Variants in SUMF1 observed in about 807,000 individuals in gnomAD.
SUMF1 encodes sulfatase modifying factor 1.
In SUMF1, 48 loss-of-function variants were observed where a neutral mutation model predicts 47.6. That is an observed-to-expected ratio of 1.01 (90% CI 0.80 to 1.28). The LOEUF is 1.28. SUMF1 is among the 50% of genes most tolerant of loss of function. The probability of loss-of-function intolerance (pLI) is 0.00; values close to 1 mark genes in which losing one functional copy is unlikely to be tolerated. For synonymous variants in SUMF1, 230 were observed against 192.1 expected, an observed-to-expected ratio of 1.20 and a Z score of -1.63; for missense variants, 571 against 485.4, an observed-to-expected ratio of 1.18 and a Z score of -1.66.
chr3:4,252,421 G>T (rs933871996), intron 8 of SUMF1, among the ~76,000 whole-genome samples: 5 of 151,724 alleles, frequency 3.3e-5, no homozygotes, highest in Non-Finnish European at 1.5e-5. Context: ...TGCCTACATT[G>T]TCTATTATCC....
In SUMF1 at chr3:4,246,400, GTTTGTT is replaced by G. The variant is rs200390214; in HGVS notation, c.1014+129924_1014+129929del. Among the ~76,000 whole-genome samples, 1,360 of 151,808 alleles carry G rather than the reference GTTTGTT, an allele frequency of 9.0e-3. 20 individuals carry two copies. Among genetic ancestry groups the G allele is most frequent in the African/African-American group, 0.031 (1,294 of 41,426 alleles). On this transcript the variant is annotated intron_variant and NMD_transcript_variant, in intron 8 of 12. Coordinates refer to the SUMF1 transcript ENST00000448413. Reference sequence around the variant, plus strand: ...CCTATTCGGCCATCTTGGAGTTTTTGTTTGTTTTTGTTTTTGTTTTTGACAGAGTCT... The same window carrying G: ...CCTATTCGGCCATCTTGGAGTTTTTGTTTGTTTTTGTTTTTGACAGAGTCT...
intron 8 of SUMF1, among the ~76,000 whole-genome samples, chr3:4,250,284 G>A (rs1170835932): frequency 1.4e-5 from 2 of 145,990 alleles, no homozygotes; most frequent in African/African-American, 5.1e-5. Context: ...AAGGGGGAAG[G>A]AAGGGAAGAG....
intron 8 of SUMF1, among the ~76,000 whole-genome samples, chr3:4,274,950 A>C (rs1024992303): frequency 6.6e-6 from 1 of 152,156 alleles, no homozygotes; most frequent in Non-Finnish European, 1.5e-5. Flanking sequence ...AAAAAGTCCA[A>C]ATGTCAAACA....
chr3:4,147,975 T>G (rs1454369344), intron 8 of SUMF1, among the ~76,000 whole-genome samples: 2 of 152,154 alleles, frequency 1.3e-5, no homozygotes, highest in Admixed American at 6.5e-5. Context: ...GGAAATCACA[T>G]TTAGCTCTAT....
At chr3:4,390,298 T>G (rs192996324) in intron 7 of SUMF1, among the ~76,000 whole-genome samples, 2 of 152,116 alleles carry the variant, frequency 1.3e-5, no homozygotes, top group African/African-American at 4.8e-5. Flanking sequence ...ACTTTACTAA[T>G]AGACAATAAG....
chr3:4,121,293 C>G (rs906388991), intron 8 of SUMF1, among the ~76,000 whole-genome samples: 1 of 152,104 alleles, frequency 6.6e-6, no homozygotes, highest in Non-Finnish European at 1.5e-5. Flanking sequence ...AATGACCTCT[C>G]CAAGGTCAAA....
chr3:4,289,104 C>T (rs1697691525), intron 8 of SUMF1, among the ~76,000 whole-genome samples: 1 of 152,150 alleles, frequency 6.6e-6, no homozygotes, highest in Non-Finnish European at 1.5e-5. Flanking sequence ...TAAACCCTAT[C>T]CCAGCCAAAC....
intron 8 of SUMF1, among the ~76,000 whole-genome samples, chr3:4,074,053 A>G (rs915791763): frequency 1.3e-5 from 2 of 152,170 alleles, no homozygotes; most frequent in African/African-American, 4.8e-5. Flanking sequence ...TCAGCACCAC[A>G]TCACACTTAT....
chr3:4,081,208 C>G (rs1468239293), intron 8 of SUMF1, among the ~76,000 whole-genome samples: 1 of 152,108 alleles, frequency 6.6e-6, no homozygotes, highest in Admixed American at 6.5e-5. Flanking sequence ...CAGGTCAGGA[C>G]AGGACACTAC....
At chr3:4,305,539 G>T (rs1003119414) in intron 8 of SUMF1, among the ~76,000 whole-genome samples, 1 of 152,158 alleles carries the variant, frequency 6.6e-6, no homozygotes, top group Non-Finnish European at 1.5e-5. Flanking sequence ...AGGGGGAAAG[G>T]GGATTCTCTA....
At chr3:4,035,445 C>T (rs1360924760) in intron 9 of SUMF1, among the ~76,000 whole-genome samples, 1 of 152,162 alleles carries the variant, frequency 6.6e-6, no homozygotes, top group Non-Finnish European at 1.5e-5. Flanking sequence ...CCTCTTTTGT[C>T]TCTTATGAGA....
At chr3:4,297,942 T>G (rs1296989752) in intron 8 of SUMF1, among the ~76,000 whole-genome samples, 1 of 152,194 alleles carries the variant, frequency 6.6e-6, no homozygotes, top group East Asian at 1.9e-4. Flanking sequence ...AGACCACTTT[T>G]GTTAATAAAT....
rs75749610 is a variant in SUMF1 at position 4,237,699 on chromosome 3, A to C, written c.1014+138631T>G. 1.9e-3 allele frequency among the ~76,000 whole-genome samples: 284 copies of C among 152,190 alleles called. 2 individuals are homozygous for C. The highest frequency in any genetic ancestry group is 6.5e-3 in the African/African-American group (270 of 41,532). ...TGTGTTGCATCTAGAAAGATCTAAG[A>C]AGTCATTGCCAAGCCCAAGATCATC... On this transcript the variant is annotated intron_variant and NMD_transcript_variant, in intron 8 of 12. Coordinates refer to the SUMF1 transcript ENST00000448413.
At chr3:4,059,584 A>G (rs139385273) in intron 9 of SUMF1, among the ~76,000 whole-genome samples, 61 of 152,306 alleles carry the variant, frequency 4.0e-4, no homozygotes, top group African/African-American at 1.3e-3. Context: ...AATCCATTCT[A>G]TCATGTTATT....
At chr3:4,193,894 C>G (rs73118099) in intron 8 of SUMF1, among the ~76,000 whole-genome samples, 21 of 152,116 alleles carry the variant, frequency 1.4e-4, no homozygotes, top group Non-Finnish European at 2.4e-4. Context: ...ATAAAAAGTA[C>G]GTAAAACAGT....
chr3:4,091,481 C>A (rs1407016824), intron 8 of SUMF1, among the ~76,000 whole-genome samples: 2 of 152,094 alleles, frequency 1.3e-5, no homozygotes, highest in Non-Finnish European at 2.9e-5. Context: ...AGCTTTCTAC[C>A]TTTCACCTGT....
chr3:4,352,180 C>T (rs968561203), intron 8 of SUMF1, among the ~76,000 whole-genome samples: 7 of 152,078 alleles, frequency 4.6e-5, no homozygotes, highest in African/African-American at 7.2e-5. Flanking sequence ...GTAGAGAGAA[C>T]GGAAGTCACA....
At chr3:4,251,672 G>T (rs1222298816) in intron 8 of SUMF1, among the ~76,000 whole-genome samples, 1 of 152,150 alleles carries the variant, frequency 6.6e-6, no homozygotes, top group Non-Finnish European at 1.5e-5. Context: ...AAGGTTTGAA[G>T]CTAGGCTTCT....
At chr3:4,099,960 A>C (rs1048259125) in intron 8 of SUMF1, among the ~76,000 whole-genome samples, 20 of 151,984 alleles carry the variant, frequency 1.3e-4, no homozygotes, top group Non-Finnish European at 7.4e-5. Flanking sequence ...AATGACACAA[A>C]TAAATGGAAA....
Sources: allele counts gnomAD v4.1 joint callset (sites outside exome capture counted in the v4.1 genomes callset), GRCh38; gene constraint gnomAD v4.1.1; transcripts MANE v1.5; gene names NCBI Gene and HGNC (gene_info 2026-07-23, HGNC 2026-07-21).